Variants in SNX27 observed in about 807,000 individuals in gnomAD.
The protein encoded by SNX27 is sorting nexin-27.
SNX27 carries 22 observed loss-of-function variants against 71.6 expected under a neutral mutation model. That is an observed-to-expected ratio of 0.31 (90% CI 0.22 to 0.44). SNX27 has a LOEUF of 0.44. Among genes scored for constraint, SNX27 ranks in the 20% least tolerant of loss-of-function variants. SNX27 has a pLI of 1.00. For missense variants in SNX27, 531 were observed against 698.6 expected (o/e 0.76, Z 2.70); for synonymous variants, 269 against 277.2 (o/e 0.97, Z 0.29).
chr1:151,644,252 C>T (rs1046414718), intron 2 of SNX27, among the ~76,000 whole-genome samples: 5 of 152,154 alleles, frequency 3.3e-5, no homozygotes, highest in Non-Finnish European at 5.9e-5. Context: ...ACATTTTCAT[C>T]ACCTCAAAAA....
chr1:151,662,222 G>T lies in SNX27; in HGVS notation c.858G>T (p.Thr286=), dbSNP rs750434803. The T allele has an allele frequency of 1.9e-6, 3 of 1,613,480 alleles. No homozygotes were observed. The highest frequency in any genetic ancestry group is 3.3e-5 in the Admixed American group (2 of 59,978). The part of the protein sequence containing the change: ...ELRVALPDGT[T]VTVRVKKNST... ...GAGTAGCATTACCAGATGGAACAAC[G>T]GTTACAGTCAGGGTTAAAAAGAACA... Residue 286 remains threonine (T), a synonymous_variant, in exon 5 of 12, where the codon ACG becomes ACT. Transcript: ENST00000458013.
chr1:151,659,009 A>G (rs1669834016), intron 3 of SNX27, among the ~76,000 whole-genome samples: 1 of 152,070 alleles, frequency 6.6e-6, no homozygotes, highest in Non-Finnish European at 1.5e-5. Context: ...ACACATATAG[A>G]CTCAGCAATA....
intron 1 of SNX27, among the ~76,000 whole-genome samples, chr1:151,626,174 A>G (rs1667930595): frequency 6.6e-6 from 1 of 152,024 alleles, no homozygotes; most frequent in African/African-American, 2.4e-5. Context: ...CAATCTTTCC[A>G]TACTTAAAAA....
intron 1 of SNX27, among the ~76,000 whole-genome samples, chr1:151,631,579 T>C (rs1390045799): frequency 6.6e-6 from 1 of 152,256 alleles, no homozygotes; most frequent in Non-Finnish European, 1.5e-5. Context: ...ATATGTTTGA[T>C]GTACTTCAGT....
rs141640055 is a variant in SNX27, at chr1:151,626,485, G to A, written c.312-12403G>A. Among the ~76,000 whole-genome samples, 470 of 152,150 alleles carry A rather than the reference G, an allele frequency of 3.1e-3. 1 individual carries two copies. Among genetic ancestry groups the A allele is most frequent in the African/African-American group, 0.011 (448 of 41,514 alleles). On this transcript the variant is annotated intron_variant, in intron 1 of 11. Coordinates refer to ENST00000458013, the MANE Select transcript of SNX27 (RefSeq NM_001330723.2). ...CAGGAAGAGAATACTGTTTTATCAT[G>A]AGATTCAAGAGATCAAGACCATCCT...
intron 1 of SNX27, among the ~76,000 whole-genome samples, chr1:151,627,062 A>G (rs1667979306): frequency 1.3e-5 from 2 of 152,218 alleles, no homozygotes; most frequent in Non-Finnish European, 2.9e-5. Context: ...GGCTGACAGC[A>G]AAGAAATTTG....
At chr1:151,673,421 TA>T in intron 7 of SNX27, among the ~76,000 whole-genome samples, 1 of 152,320 alleles carries the variant, frequency 6.6e-6, no homozygotes, top group African/African-American at 2.4e-5. Context: ...AAAAACGTTT[TA>T]AGACTTGTTT....
At position 151,660,837 on chromosome 1, in the gene SNX27, A is replaced by G. The variant is rs1669931526; in HGVS notation, c.776A>G (p.Gln259Arg). 2 of 1,612,788 alleles carry G rather than the reference A, an allele frequency of 1.2e-6. No individual in the cohort carries two copies. The highest frequency in any genetic ancestry group is 1.7e-6 in the Non-Finnish European group (2 of 1,178,840). Residue 259 changes from glutamine (Q) to arginine (R), a missense_variant, in exon 4 of 12, where the codon CAG becomes CGG. Gln to Arg is a conservative substitution (Grantham distance 43, BLOSUM62 1). Coordinates refer to ENST00000458013, the MANE Select transcript of SNX27 (RefSeq NM_001330723.2). Reference protein sequence around the residue: ...IRVIGESDIMQEFLSESDENY... With the variant: ...IRVIGESDIMREFLSESDENY... ...GTAATTGGTGAGAGTGACATCATGC[A>G]GGAATTCCTATCAGAATCCGATGAG...
At chr1:151,627,584 G>T (rs958571116) in intron 1 of SNX27, among the ~76,000 whole-genome samples, 3 of 151,982 alleles carry the variant, frequency 2.0e-5, no homozygotes, top group African/African-American at 7.3e-5. Context: ...ACTGTTCTTG[G>T]TGTTTTTTGT....
intron 6 of SNX27, among the ~76,000 whole-genome samples, chr1:151,667,473 T>C (rs896638891): frequency 3.3e-5 from 5 of 152,174 alleles, no homozygotes; most frequent in African/African-American, 1.2e-4. Context: ...TCATTGAGAA[T>C]TGCCACATGA....
At chr1:151,685,296 G>A (rs911578137) in intron 8 of SNX27, 1 of 152,168 alleles carries the variant, frequency 6.6e-6, no homozygotes, top group Non-Finnish European at 1.5e-5. Context: ...CTTTAGTAGT[G>A]ATTCTGATAG....
At chr1:151,651,976 G>T (rs561531586) in intron 2 of SNX27, among the ~76,000 whole-genome samples, 2 of 152,320 alleles carry the variant, frequency 1.3e-5, no homozygotes, top group Admixed American at 1.3e-4. Context: ...GAGGCTGGCG[G>T]ATCACTTGCG....
intron 5 of SNX27, among the ~76,000 whole-genome samples, chr1:151,664,007 A>T (rs1670077571): frequency 6.6e-6 from 1 of 151,490 alleles, no homozygotes; most frequent in Non-Finnish European, 1.5e-5. Flanking sequence ...ATCTTGAAAT[A>T]GATAATTTCC....
intron 3 of SNX27, 33 bp from the exon 4 acceptor site, chr1:151,660,765 C>T (rs1478023941): frequency 4.6e-6 from 7 of 1,510,934 alleles, no homozygotes; most frequent in Non-Finnish European, 6.4e-6. Flanking sequence ...GATTTTAAGG[C>T]CTTATGCCAG....
At chr1:151,678,926 G>T (rs1379790883) in intron 7 of SNX27, 1 of 152,108 alleles carries the variant, frequency 6.6e-6, no homozygotes. Flanking sequence ...GTTTTACCAT[G>T]TTGCCCTGGC....
At chr1:151,678,882 C>G (rs1172608800) in intron 7 of SNX27, 1 of 152,014 alleles carries the variant, frequency 6.6e-6, no homozygotes, top group Admixed American at 6.6e-5. Context: ...TATCACCAAG[C>G]CCAGCTAATT....
intron 6 of SNX27, chr1:151,667,061 A>G (rs1003850918): frequency 2.0e-5 from 3 of 151,878 alleles, no homozygotes; most frequent in African/African-American, 7.3e-5. Context: ...AGACCAGCCT[A>G]GGCAACATAG....
intron 10 of SNX27, 162 bp downstream of exon 10, chr1:151,693,201 G>A: frequency 8.7e-7 from 1 of 1,145,660 alleles, no homozygotes; most frequent in East Asian, 2.4e-5. Context: ...TTTGCTTTAG[G>A]CCTGACTGGA....
chr1:151,641,748 C>T (rs998301481), intron 2 of SNX27, among the ~76,000 whole-genome samples: 1 of 83,806 alleles, frequency 1.2e-5, no homozygotes, highest in Middle Eastern at 5.2e-3. Context: ...ATATCAGATA[C>T]ATATATATCA....
Sources: gnomAD v4.1 joint callset for allele counts (sites outside exome capture counted in the v4.1 genomes callset) on GRCh38, gnomAD v4.1.1 for gene constraint, MANE v1.5 for transcripts, NCBI Gene and HGNC (gene_info 2026-07-23, HGNC 2026-07-21) for gene names.